Variants in ACCSL observed in about 807,000 individuals in gnomAD.
ACCSL encodes the protein 1-aminocyclopropane-1-carboxylate synthase homolog (inactive) like, also known as probable inactive 1-aminocyclopropane-1-carboxylate synthase-like protein 2.
In ACCSL, 55 loss-of-function variants were observed where a neutral mutation model predicts 61.7. The observed-to-expected ratio is 0.89, with a 90% CI of 0.72 to 1.12. The LOEUF is 1.12. ACCSL is among the 50% of genes most tolerant of loss of function. ACCSL has a pLI of 0.00. For synonymous variants in ACCSL, 258 were observed against 264.3 expected (o/e 0.98, Z 0.23); for missense variants, 632 against 698.0 (o/e 0.91, Z 1.07).
the ACCSL span, chr11:43,942,970 C>T: frequency 2.0e-6 from 3 of 1,496,028 alleles, no homozygotes; most frequent in African/African-American, 2.9e-5. Flanking sequence ...TGCCGCACTT[C>T]GTGTGCCTGG....
chr11:43,926,458 G>A, the ACCSL span: 3 of 455,508 alleles, frequency 6.6e-6, no homozygotes, highest in South Asian at 1.6e-5. Flanking sequence ...TGTACAGAAC[G>A]CCTTGGCCTG....
chr11:43,933,292 C>T, the ACCSL span: 2 of 401,896 alleles, frequency 5.0e-6, no homozygotes, highest in South Asian at 1.8e-5. Context: ...TGTCCCTGTC[C>T]ACATATGAGG....
chr11:43,922,432 G>A, the ACCSL span, among the ~76,000 whole-genome samples: 82 of 152,348 alleles, frequency 5.4e-4, no homozygotes, highest in East Asian at 0.014. Flanking sequence ...TGTGGAGCTG[G>A]TCACAGCTGA....
chr11:43,976,269 G>C, the ACCSL span, among the ~76,000 whole-genome samples: 1 of 152,142 alleles, frequency 6.6e-6, no homozygotes, highest in Non-Finnish European at 1.5e-5. Context: ...AATCACAAGG[G>C]ACAGAGGGCA....
the ACCSL span, among the ~76,000 whole-genome samples, chr11:43,942,056 G>C: frequency 2.0e-5 from 3 of 150,768 alleles, no homozygotes; most frequent in Non-Finnish European, 4.4e-5. Flanking sequence ...GTGTGTGTGT[G>C]TGTGTGTGTG....
chr11:44,031,017 T>C, the ACCSL span, among the ~76,000 whole-genome samples: 1 of 152,138 alleles, frequency 6.6e-6, no homozygotes, highest in Non-Finnish European at 1.5e-5. Context: ...CACCCAGGAT[T>C]TGGAAGGCAC....
At chr11:44,025,023 A>G in the ACCSL span, among the ~76,000 whole-genome samples, 130,233 of 152,184 alleles carry the variant, frequency 0.86, 55,793 homozygotes, top group Middle Eastern at 0.87. Flanking sequence ...TTTTAGGCAC[A>G]TTTGCATAGT....
the ACCSL span, among the ~76,000 whole-genome samples, chr11:44,039,112 T>C: frequency 5.3e-5 from 8 of 152,012 alleles, no homozygotes; most frequent in Admixed American, 2.6e-4. Flanking sequence ...TTTTAATGAA[T>C]GGGGAATGAA....
the ACCSL span, among the ~76,000 whole-genome samples, chr11:43,946,718 A>C: frequency 6.6e-6 from 1 of 152,212 alleles, no homozygotes; most frequent in Non-Finnish European, 1.5e-5. Context: ...ATTTAGTATA[A>C]AAGTGATGTC....
the ACCSL span, among the ~76,000 whole-genome samples, chr11:44,029,984 ATTT>A: frequency 2.4e-5 from 2 of 83,276 alleles, no homozygotes; most frequent in African/African-American, 1.2e-4. Context: ...ATTTTATTTT[ATTT>A]TATTTTATTT....
chr11:43,925,599 C>G, the ACCSL span: 13 of 391,470 alleles, frequency 3.3e-5, no homozygotes, highest in Admixed American at 1.8e-4. Context: ...CTCCCTCTTA[C>G]GGTCACAGTA....
At chr11:44,014,441 G>C in the ACCSL span, among the ~76,000 whole-genome samples, 1 of 151,496 alleles carries the variant, frequency 6.6e-6, no homozygotes, top group Non-Finnish European at 1.5e-5. Flanking sequence ...TGACATCGCA[G>C]CTGGCTTCCC....
chr11:44,030,057 ATTTTTTTT>A, the ACCSL span, among the ~76,000 whole-genome samples: 4 of 4,454 alleles, frequency 9.0e-4, no homozygotes, highest in Non-Finnish European at 1.2e-3. Context: ...TCTTTGGTTG[ATTTTTTTT>A]TTTTTTTTTT....
the ACCSL span, chr11:43,995,006 C>T: frequency 2.0e-5 from 3 of 152,178 alleles, no homozygotes; most frequent in African/African-American, 4.8e-5. Flanking sequence ...AACCTTTACA[C>T]TCTATAGGGT....
the ACCSL span, chr11:43,944,771 C>T: frequency 1.4e-4 from 22 of 152,542 alleles, no homozygotes; most frequent in Non-Finnish European, 2.6e-4. Context: ...GCAGGGCCAC[C>T]TGGCTGCAGA....
chr11:44,036,122 G>A, the ACCSL span, among the ~76,000 whole-genome samples: 1 of 152,176 alleles, frequency 6.6e-6, no homozygotes, highest in Non-Finnish European at 1.5e-5. Context: ...GCAACCAACT[G>A]GGTAACTGGC....
the ACCSL span, among the ~76,000 whole-genome samples, chr11:43,975,658 T>C: frequency 6.6e-6 from 1 of 152,138 alleles, no homozygotes; most frequent in Non-Finnish European, 1.5e-5. Context: ...AGACAGCTTT[T>C]AAGATGATTA....
the ACCSL span, among the ~76,000 whole-genome samples, chr11:43,956,695 A>C: frequency 1.3e-5 from 2 of 152,224 alleles, no homozygotes; most frequent in African/African-American, 4.8e-5. Flanking sequence ...TTGGGATTAC[A>C]GGTGTGAGCC....
chr11:43,989,756 C>G, the ACCSL span, among the ~76,000 whole-genome samples: 1 of 152,246 alleles, frequency 6.6e-6, no homozygotes, highest in African/African-American at 2.4e-5. Flanking sequence ...CCCTTTGCTG[C>G]AGAGCCTTGC....
Sources: gnomAD v4.1 joint callset for allele counts (sites outside exome capture counted in the v4.1 genomes callset) on GRCh38, gnomAD v4.1.1 for gene constraint, MANE v1.5 for transcripts, NCBI Gene and HGNC (gene_info 2026-07-23, HGNC 2026-07-21) for gene names.